Variants in RASGEF1A observed in about 807,000 individuals in gnomAD.
RASGEF1A encodes the protein RasGEF domain family member 1A.
A neutral mutation model predicts 56.4 loss-of-function variants in RASGEF1A; 18 were observed. The observed-to-expected ratio is 0.32, with a 90% CI of 0.22 to 0.47. The LOEUF (loss-of-function observed/expected upper bound fraction) is 0.47, where lower values mean the gene tolerates loss of function less well. RASGEF1A is among the 20% of genes least tolerant of loss of function. RASGEF1A has a pLI of 1.00. For synonymous variants in RASGEF1A, 245 were observed against 242.6 expected (o/e 1.01, Z -0.09); for missense variants, 422 against 627.1 (o/e 0.67, Z 3.49).
chr10:43,233,919 C>T lies in RASGEF1A; in HGVS notation c.-6-27797G>A, dbSNP rs183758588. ...CTGTGGCATGTGTCACTCAATGGAACGCTCCAGGCCGAGGATAACCCACCC... is the reference window on the plus strand; with the variant it reads ...CTGTGGCATGTGTCACTCAATGGAATGCTCCAGGCCGAGGATAACCCACCC... On this transcript the variant is annotated intron_variant, in intron 1 of 12. Transcript: ENST00000395810. Among the ~76,000 whole-genome samples, 47 of 152,294 alleles carry T rather than the reference C, an allele frequency of 3.1e-4. 1 individual carries two copies. In the East Asian group the frequency reaches 7.3e-3, roughly 24 times the overall value.
chr10:43,241,334 T>C (rs926982552), intron 1 of RASGEF1A, among the ~76,000 whole-genome samples: 8 of 152,140 alleles, frequency 5.3e-5, no homozygotes, highest in African/African-American at 1.7e-4. Flanking sequence ...ATTATAAGTA[T>C]AGATTGATGA....
At chr10:43,245,330 C>T (rs1237942839) in intron 1 of RASGEF1A, among the ~76,000 whole-genome samples, 2 of 152,162 alleles carry the variant, frequency 1.3e-5, no homozygotes, top group Admixed American at 6.5e-5. Flanking sequence ...GGGCCAAAGT[C>T]ACTGGTGAAT....
chr10:43,200,952 G>A, intron 4 of RASGEF1A, 64 bp from the exon 5 acceptor site: 2 of 1,458,026 alleles, frequency 1.4e-6, no homozygotes, highest in Middle Eastern at 1.8e-4. Flanking sequence ...ACCACTGTGG[G>A]TAGGATCCAT....
intron 2 of RASGEF1A, among the ~76,000 whole-genome samples, chr10:43,205,184 GGA>G (rs1839975681): frequency 6.6e-6 from 1 of 152,188 alleles, no homozygotes; most frequent in Non-Finnish European, 1.5e-5. Context: ...GGGCAGGGAG[GGA>G]GAGGGGATAG....
intron 2 of RASGEF1A, among the ~76,000 whole-genome samples, chr10:43,204,272 C>T (rs1436358465): frequency 6.6e-6 from 1 of 152,102 alleles, no homozygotes; most frequent in Admixed American, 6.5e-5. Flanking sequence ...GCCCATATAA[C>T]CCGGTTTTTC....
chr10:43,212,655 GGGCGTGCTT>G (rs919125068), intron 1 of RASGEF1A, among the ~76,000 whole-genome samples: 7 of 152,238 alleles, frequency 4.6e-5, no homozygotes, highest in Non-Finnish European at 1.0e-4. Context: ...CTCACACGCA[GGGCGTGCTT>G]CAGTGCAAGT....
intron 1 of RASGEF1A, among the ~76,000 whole-genome samples, chr10:43,243,222 C>T (rs1331473519): frequency 6.6e-6 from 1 of 150,812 alleles, no homozygotes; most frequent in African/African-American, 2.4e-5. Context: ...TGCCCGGCCG[C>T]CACCCTGTCT....
At chr10:43,225,138 CTGTA>C (rs1184570375) in intron 1 of RASGEF1A, among the ~76,000 whole-genome samples, 3 of 145,910 alleles carry the variant, frequency 2.1e-5, no homozygotes, top group Admixed American at 7.1e-5. Context: ...GTCTGTGTCT[CTGTA>C]TGTGTCTGTG....
chr10:43,256,844 A>G (rs915459352), intron 1 of RASGEF1A, among the ~76,000 whole-genome samples: 15 of 152,074 alleles, frequency 9.9e-5, no homozygotes, highest in African/African-American at 3.6e-4. Context: ...GCAGGAGTCC[A>G]TCTTGGGGCC....
Position 43,195,056 on chromosome 10 carries a change from A to C in RASGEF1A, c.*1188T>G, listed in dbSNP as rs1472885426. ...CCTCACCCAGGCTTCCCCATTGATCAAGGCTCCTGCGGAAACTGGGAATGC... is the reference window on the plus strand; with the variant it reads ...CCTCACCCAGGCTTCCCCATTGATCCAGGCTCCTGCGGAAACTGGGAATGC... On this transcript the variant is annotated 3_prime_UTR_variant, in exon 13 of 13. Coordinates refer to ENST00000395810, the MANE Select transcript of RASGEF1A (RefSeq NM_145313.4). This position sits in a 1 kb window ranked among gnomAD's most constrained non-coding sequence, Gnocchi z 4.2. 1 of 139,996 alleles carries C rather than the reference A, an allele frequency of 7.1e-6. No homozygotes were observed. The highest frequency in any genetic ancestry group is 2.7e-5 in the African/African-American group (1 of 36,628). 8.7% of individuals were successfully genotyped at this position (139,996 alleles called of 1,614,324 possible).
At chr10:43,261,042 T>A (rs1419415205) in intron 1 of RASGEF1A, among the ~76,000 whole-genome samples, 1 of 151,922 alleles carries the variant, frequency 6.6e-6, no homozygotes, top group Non-Finnish European at 1.5e-5. Flanking sequence ...GCTTGGTGGG[T>A]GCCTGGTGAC....
chr10:43,263,908 C>A (rs1836578408), intron 1 of RASGEF1A, among the ~76,000 whole-genome samples: 1 of 152,112 alleles, frequency 6.6e-6, no homozygotes. Context: ...CACCCCCACC[C>A]CGTCCATCAC....
chr10:43,233,336 A>G (rs1449803520), intron 1 of RASGEF1A, among the ~76,000 whole-genome samples: 1 of 152,212 alleles, frequency 6.6e-6, no homozygotes, highest in Admixed American at 6.5e-5. Flanking sequence ...GTGTGTAGAC[A>G]GATACAGAGA....
intron 2 of RASGEF1A, among the ~76,000 whole-genome samples, chr10:43,204,969 A>T (rs1329106287): frequency 6.6e-6 from 1 of 152,228 alleles, no homozygotes; most frequent in Non-Finnish European, 1.5e-5. Context: ...GACAGGGCTT[A>T]CGGGACAGAC....
At position 43,226,258 on chromosome 10, in the gene RASGEF1A, A is replaced by G. The variant is rs1216215102; in HGVS notation, c.-6-20136T>C. Among the ~76,000 whole-genome samples, 3 of 152,154 alleles carry G rather than the reference A, an allele frequency of 2.0e-5. No homozygotes were observed. In the East Asian group the frequency reaches 5.8e-4, roughly 29 times the overall value. ...GGAGTTCGAAACCAGCCTGACCAAC[A>G]TAGAGAAACCCCGTCTCTACTAAAA... On this transcript the variant is annotated intron_variant, in intron 1 of 12. Coordinates refer to ENST00000395810, the MANE Select transcript of RASGEF1A (RefSeq NM_145313.4).
chr10:43,241,932 T>C (rs899033009), intron 1 of RASGEF1A, among the ~76,000 whole-genome samples: 1 of 152,060 alleles, frequency 6.6e-6, no homozygotes, highest in Non-Finnish European at 1.5e-5. Flanking sequence ...GGTCAGGAGA[T>C]TGAGACCATG....
At chr10:43,197,410 C>A (rs1839817078) in intron 10 of RASGEF1A, among the ~76,000 whole-genome samples, 1 of 152,248 alleles carries the variant, frequency 6.6e-6, no homozygotes, top group Non-Finnish European at 1.5e-5. Context: ...GAGGCAGGCA[C>A]CCCATCCAAA....
intron 1 of RASGEF1A, among the ~76,000 whole-genome samples, chr10:43,260,124 G>A (rs955619114): frequency 2.0e-5 from 3 of 152,168 alleles, no homozygotes; most frequent in Admixed American, 6.5e-5. Context: ...TCAGTGAAAC[G>A]CCCAGCAGAG....
intron 1 of RASGEF1A, among the ~76,000 whole-genome samples, chr10:43,244,795 G>A (rs1228500971): frequency 3.3e-5 from 5 of 151,910 alleles, no homozygotes; most frequent in African/African-American, 4.8e-5. Context: ...CCAAACTTAC[G>A]GAATACAGCA....
Sources: gnomAD v4.1 joint callset for allele counts (sites outside exome capture counted in the v4.1 genomes callset) on GRCh38, gnomAD v4.1.1 for gene constraint, Gnocchi (gnomAD v3.1) non-coding constraint, MANE v1.5 for transcripts, NCBI Gene and HGNC (gene_info 2026-07-23, HGNC 2026-07-21) for gene names.